Variants in ARHGEF6 observed in about 807,000 individuals in gnomAD.
ARHGEF6 encodes the protein Rac/Cdc42 guanine nucleotide exchange factor 6.
ARHGEF6 carries 9 observed loss-of-function variants against 70.3 expected under a neutral mutation model. The observed-to-expected ratio is 0.13, with a 90% confidence interval of 0.08 to 0.22. The LOEUF (loss-of-function observed/expected upper bound fraction) is 0.22. ARHGEF6 is among the 10% of genes least tolerant of loss of function. The pLI is 1.00. For synonymous variants in ARHGEF6, 201 were observed against 207.8 expected (o/e 0.97, Z 0.28); for missense variants, 470 against 563.0 (o/e 0.83, Z 1.67).
At chrX:136,686,592 GTGTATATA>G (rs1483919534) in intron 11 of ARHGEF6, among the ~76,000 whole-genome samples, 18 of 59,679 alleles carry the variant, frequency 3.0e-4, no homozygotes, top group African/African-American at 1.2e-3. Flanking sequence ...GTGTATGTGT[GTGTATATA>G]TATATATATA....
intron 9 of ARHGEF6, among the ~76,000 whole-genome samples, chrX:136,704,507 G>A (rs141727407): frequency 0.026 from 2,880 of 112,028 alleles, 44 homozygotes; most frequent in Middle Eastern, 0.047. Context: ...CTGAGACTGG[G>A]TAATTTATAA....
chrX:136,676,560 C>T (rs2076283358), intron 18 of ARHGEF6, 64 bp downstream of exon 18: 2 of 951,019 alleles, frequency 2.1e-6, no homozygotes, highest in Admixed American at 2.3e-5. Context: ...TAAATCCTCA[C>T]ATAAAAGAAG....
chrX:136,779,443 G>A lies in ARHGEF6; in HGVS notation c.220C>T (p.Leu74=), dbSNP rs145769999. 2.5e-6 allele frequency: 3 copies of A among 1,211,436 alleles called. No individual in the cohort carries two copies. The highest frequency in any genetic ancestry group is 3.5e-5 in the African/African-American group (2 of 57,787). ...ADCINNINDF[L]KGCATLQVEI... Reference sequence around the variant, plus strand: ...ACTTGGAGGGTTGCACATCCTTTCAGGAAGTCATTGATGTTGTTGATGCAG... The same window carrying A: ...ACTTGGAGGGTTGCACATCCTTTCAAGAAGTCATTGATGTTGTTGATGCAG... The change falls in exon 2 of 22, where the codon CTG becomes TTG. Residue 74 remains leucine (L), a synonymous_variant. Coordinates refer to ENST00000250617, the MANE Select transcript of ARHGEF6 (RefSeq NM_004840.3).
At chrX:136,737,788 C>T (rs1048967619) in intron 5 of ARHGEF6, among the ~76,000 whole-genome samples, 24 of 100,792 alleles carry the variant, frequency 2.4e-4, no homozygotes, top group African/African-American at 7.7e-4. Flanking sequence ...AAATATTCCT[C>T]GGCAGCATCC....
At chrX:136,751,901 A>T (rs1476879149) in intron 2 of ARHGEF6, among the ~76,000 whole-genome samples, 1 of 111,739 alleles carries the variant, frequency 8.9e-6, no homozygotes, top group African/African-American at 3.3e-5. Context: ...TTCTCCCAGC[A>T]AGCCCATGAT....
chrX:136,681,093 C>T (rs1356672236), intron 14 of ARHGEF6, among the ~76,000 whole-genome samples: 1 of 112,195 alleles, frequency 8.9e-6, no homozygotes, highest in Non-Finnish European at 1.9e-5. Context: ...GAAAACTGTC[C>T]TTGATTTTTA....
At chrX:136,699,586 C>T (rs977131711) in intron 9 of ARHGEF6, among the ~76,000 whole-genome samples, 25 of 110,954 alleles carry the variant, frequency 2.3e-4, no homozygotes, top group African/African-American at 8.2e-4. Flanking sequence ...AAATCACCAC[C>T]TCAAAATCTG....
intron 12 of ARHGEF6, among the ~76,000 whole-genome samples, chrX:136,685,005 A>C (rs1368006806): frequency 9.0e-6 from 1 of 111,418 alleles, no homozygotes; most frequent in African/African-American, 3.3e-5. Flanking sequence ...CATCTGAACT[A>C]CTCTTGCCTG....
At chrX:136,716,560 C>T (rs1028780876) in intron 6 of ARHGEF6, among the ~76,000 whole-genome samples, 3 of 111,747 alleles carry the variant, frequency 2.7e-5, no homozygotes, top group Non-Finnish European at 3.8e-5. Flanking sequence ...AGGCTTCCAA[C>T]AACAATTTAC....
intron 6 of ARHGEF6, among the ~76,000 whole-genome samples, chrX:136,725,639 A>G (rs1445695121): frequency 1.8e-5 from 2 of 111,883 alleles, no homozygotes; most frequent in African/African-American, 6.5e-5. Context: ...CTCAGTGGTG[A>G]CTCAGAAGGC....
At chrX:136,696,277 T>G (rs759568206) in intron 9 of ARHGEF6, among the ~76,000 whole-genome samples, 48 of 110,886 alleles carry the variant, frequency 4.3e-4, no homozygotes, top group African/African-American at 1.5e-3. Context: ...TGGCATGAGA[T>G]TCATTGGATG....
chrX:136,716,300 C>A (rs2076736759), intron 6 of ARHGEF6, among the ~76,000 whole-genome samples: 1 of 112,047 alleles, frequency 8.9e-6, no homozygotes, highest in Non-Finnish European at 1.9e-5. Flanking sequence ...GGTCAATAAG[C>A]AACTCCAGCC....
Position 136,686,629 on chromosome X carries a change from TATATATATATATAC to T in ARHGEF6, c.1246-820_1246-807del, listed in dbSNP as rs1569393892. ...ATATATATATATATATATACACATA[TATATATATATATAC>T]ACACATATATATATACACATGTGTA... On this transcript the variant is annotated intron_variant, in intron 11 of 21. Transcript: ENST00000250617. 3.5e-4 allele frequency among the ~76,000 whole-genome samples: 26 copies of T among 74,112 alleles called. 1 individual carries two copies. Among genetic ancestry groups the T allele is most frequent in the African/African-American group, 1.9e-3 (25 of 13,073 alleles). The allele number at this position is 74,112 out of a possible 115,157, so 64.4% of individuals were successfully genotyped here.
At chrX:136,673,755 G>A (rs1415471890) in intron 19 of ARHGEF6, among the ~76,000 whole-genome samples, 1 of 111,533 alleles carries the variant, frequency 9.0e-6, no homozygotes, top group Admixed American at 9.5e-5. Flanking sequence ...CTGTGAAGCA[G>A]AGTGCGACAG....
chrX:136,769,033 G>T (rs1414108962), intron 2 of ARHGEF6, among the ~76,000 whole-genome samples: 1 of 110,647 alleles, frequency 9.0e-6, no homozygotes, highest in Non-Finnish European at 1.9e-5. Context: ...GAGAGGGAAG[G>T]AGGAAGAAAG....
chrX:136,742,417 T>C, intron 5 of ARHGEF6, among the ~76,000 whole-genome samples: 1 of 112,204 alleles, frequency 8.9e-6, no homozygotes, highest in Non-Finnish European at 1.9e-5. Context: ...TAATTAATAG[T>C]ATCAATTTTG....
At position 136,667,345 on chromosome X, in the gene ARHGEF6, C is replaced by T. The variant is rs2076170820; in HGVS notation, c.*684G>A. ...TTCTGCCCCCCTGAGTTACAATTTA[C>T]ATGACACAAAAGGAATAAGGGTACT... On this transcript the variant is annotated 3_prime_UTR_variant, in exon 22 of 22. Transcript: ENST00000250617. The T allele has an allele frequency of 8.9e-6, 1 of 112,464 alleles. No homozygotes were observed. The allele number at this position is 112,464 out of a possible 1,213,427, so 9.3% of individuals were successfully genotyped here.
intron 9 of ARHGEF6, among the ~76,000 whole-genome samples, chrX:136,692,108 A>G (rs1443913749): frequency 1.8e-5 from 2 of 111,626 alleles, no homozygotes; most frequent in Admixed American, 9.5e-5. Flanking sequence ...TTTTCTGAGC[A>G]GGAGAGAAAA....
chrX:136,749,562 A>G lies in ARHGEF6; in HGVS notation c.250-1970T>C, dbSNP rs769286215. On this transcript the variant is annotated intron_variant, in intron 2 of 21. Coordinates refer to ENST00000250617, the MANE Select transcript of ARHGEF6 (RefSeq NM_004840.3). ...CCTTATCCAGGGTTATTAAATGCCT[A>G]TACATGGCAACACTGGTATTATTCA... Among the ~76,000 whole-genome samples, 3 of 112,294 alleles carry G rather than the reference A, an allele frequency of 2.7e-5. No individual in the cohort carries two copies. The Admixed American group carries it at 2.8e-4, about 11-fold the overall frequency.
Sources: gnomAD v4.1 joint callset for allele counts (sites outside exome capture counted in the v4.1 genomes callset) on GRCh38, gnomAD v4.1.1 for gene constraint, MANE v1.5 for transcripts, NCBI Gene and HGNC (gene_info 2026-07-23, HGNC 2026-07-21) for gene names.